Variants in PDE1C observed in about 807,000 individuals in gnomAD.
The protein encoded by PDE1C is phosphodiesterase 1C.
A neutral mutation model predicts 93.1 loss-of-function variants in PDE1C; 62 were observed. The observed-to-expected ratio is 0.67, with a 90% CI of 0.54 to 0.82. PDE1C has a LOEUF of 0.82. Ranked by LOEUF, PDE1C falls within the 40% of genes least tolerant of loss-of-function variation. The pLI is 0.00. For missense variants in PDE1C, 742 were observed against 884.6 expected, an observed-to-expected ratio of 0.84 and a Z score of 2.04; for synonymous variants, 325 against 310.1, an observed-to-expected ratio of 1.05 and a Z score of -0.50.
chr7:31,767,042 T>G (rs1241567926), intron 17 of PDE1C, among the ~76,000 whole-genome samples: 2 of 152,240 alleles, frequency 1.3e-5, no homozygotes, highest in Non-Finnish European at 2.9e-5. Flanking sequence ...CTTTCTTATC[T>G]AATCAAATAA....
chr7:31,639,077 A>C, the PDE1C span, among the ~76,000 whole-genome samples: 1 of 152,028 alleles, frequency 6.6e-6, no homozygotes, highest in African/African-American at 2.4e-5. Context: ...GCGCCCAGCC[A>C]GTAATTTGAT....
In PDE1C at chr7:31,841,227, C is replaced by CTCTCTCTATATATA. The variant is rs751320538; in HGVS notation, c.981-3257_981-3256insTATATATAGAGAGA. Among the ~76,000 whole-genome samples the CTCTCTCTATATATA allele has an allele frequency of 6.8e-3, 962 of 142,270 alleles. 6 individuals are homozygous for CTCTCTCTATATATA. The highest frequency in any genetic ancestry group is 0.016 in the African/African-American group (620 of 37,936). 93.3% of individuals were successfully genotyped at this position (142,270 alleles called of 152,430 possible). On this transcript the variant is annotated intron_variant, in intron 9 of 17. Transcript: ENST00000396191. Reference sequence around the variant, plus strand: ...TCTCTCTGTCTCTCTCTCTCTCTCTCTATATATATATATATATGTATATGT... The same window carrying CTCTCTCTATATATA: ...TCTCTCTGTCTCTCTCTCTCTCTCTCTCTCTCTATATATATATATATATATATATATGTATATGT...
chr7:32,178,099 T>A (rs1233836651), intron 2 of PDE1C, among the ~76,000 whole-genome samples: 5 of 152,144 alleles, frequency 3.3e-5, no homozygotes, highest in African/African-American at 1.2e-4. Context: ...TGAAGAGAAA[T>A]TAAGCCGGAG....
intron 1 of PDE1C, among the ~76,000 whole-genome samples, chr7:32,343,779 G>GGTTTTCT (rs1225111228): frequency 6.6e-6 from 1 of 151,924 alleles, no homozygotes; most frequent in African/African-American, 2.4e-5. Flanking sequence ...AAAGAAAACA[G>GGTTTTCT]ATGCATTTCT....
intron 3 of PDE1C, among the ~76,000 whole-genome samples, chr7:32,118,303 C>A (rs1799100425): frequency 6.6e-6 from 1 of 152,110 alleles, no homozygotes; most frequent in African/African-American, 2.4e-5. Flanking sequence ...TCACCGTGGA[C>A]TTAAGGCCAG....
intron 2 of PDE1C, among the ~76,000 whole-genome samples, chr7:32,205,519 T>C (rs1805372740): frequency 6.6e-6 from 1 of 151,996 alleles, no homozygotes; most frequent in Non-Finnish European, 1.5e-5. Flanking sequence ...CAGCACTCTG[T>C]AAAACGGACC....
At chr7:31,926,651 G>A (rs1803423065) in intron 2 of PDE1C, among the ~76,000 whole-genome samples, 1 of 152,190 alleles carries the variant, frequency 6.6e-6, no homozygotes, top group South Asian at 2.1e-4. Flanking sequence ...AGCAGAAGCA[G>A]GGTGGGGCAT....
chr7:32,215,649 C>A (rs1415852256), intron 1 of PDE1C, among the ~76,000 whole-genome samples: 1 of 152,148 alleles, frequency 6.6e-6, no homozygotes, highest in African/African-American at 2.4e-5. Flanking sequence ...AGCTACGACA[C>A]AAACAATACA....
At chr7:32,055,781 C>T (rs548521413) in intron 1 of PDE1C, among the ~76,000 whole-genome samples, 2 of 152,304 alleles carry the variant, frequency 1.3e-5, no homozygotes, top group South Asian at 2.1e-4. Context: ...AGCGCAGTGG[C>T]GCAATCTCGG....
chr7:31,695,574 C>G, the PDE1C span: 2 of 1,613,476 alleles, frequency 1.2e-6, no homozygotes, highest in African/African-American at 1.3e-5. Flanking sequence ...CAAAAAAAAC[C>G]AAGGAGGAAA....
chr7:31,956,875 C>T (rs1485720335), intron 2 of PDE1C, among the ~76,000 whole-genome samples: 4 of 152,030 alleles, frequency 2.6e-5, no homozygotes, highest in Non-Finnish European at 5.9e-5. Flanking sequence ...TATATTTGTA[C>T]AGGTCTCAGC....
At chr7:32,391,933 G>C (rs151083999) in intron 1 of PDE1C, among the ~76,000 whole-genome samples, 136 of 151,958 alleles carry the variant, frequency 8.9e-4, no homozygotes, top group African/African-American at 3.1e-3. Flanking sequence ...TAAGAAACTA[G>C]AAAGAGCAGG....
chr7:31,920,053 G>C (rs981079772), intron 2 of PDE1C, among the ~76,000 whole-genome samples: 3 of 152,058 alleles, frequency 2.0e-5, no homozygotes, highest in African/African-American at 7.2e-5. Flanking sequence ...TATTTCTTAG[G>C]TGGAATCTGC....
At chr7:32,228,692 C>G (rs1807471146) in intron 1 of PDE1C, among the ~76,000 whole-genome samples, 2 of 152,214 alleles carry the variant, frequency 1.3e-5, no homozygotes, top group Non-Finnish European at 2.9e-5. Flanking sequence ...GATGGGTGAT[C>G]CAGTGCTTCT....
the PDE1C span, among the ~76,000 whole-genome samples, chr7:31,648,955 C>G: frequency 6.6e-6 from 1 of 152,206 alleles, no homozygotes; most frequent in Admixed American, 6.5e-5. Flanking sequence ...ATAACAGATG[C>G]CCTTCATGGT....
intron 1 of PDE1C, among the ~76,000 whole-genome samples, chr7:32,057,178 C>G (rs1272861368): frequency 2.0e-5 from 3 of 152,216 alleles, no homozygotes; most frequent in African/African-American, 7.2e-5. Flanking sequence ...TCCCTAAAAA[C>G]TGAGCCCAGT....
chr7:32,176,291 G>GA (rs957409103), intron 2 of PDE1C, among the ~76,000 whole-genome samples: 161 of 149,352 alleles, frequency 1.1e-3, no homozygotes, highest in African/African-American at 3.3e-3. Context: ...CATTATAAGT[G>GA]AAAAAAAAAC....
chr7:32,298,874 C>T lies in PDE1C; in HGVS notation c.-139G>A, dbSNP rs1006799487. ...CGCTGTCACTCTCAGCCCCGCCGCG[C>T]GCTGGCAGCTGAGCGCCTGGAGACA... On this transcript the variant is annotated 5_prime_UTR_variant, in exon 1 of 19. Transcript: ENST00000396193. The T allele has an allele frequency of 4.9e-5, 67 of 1,374,654 alleles. No individual in the cohort carries two copies. In the African/African-American group the frequency reaches 9.2e-4, roughly 19 times the overall value. The allele number at this position is 1,374,654 out of a possible 1,614,324, so 85.2% of individuals were successfully genotyped here. A position where few individuals can be genotyped will look rare whatever the true frequency, so the allele number is the denominator to read the frequency against.
intron 1 of PDE1C, chr7:32,298,571 C>A: frequency 6.6e-7 from 1 of 1,506,412 alleles, no homozygotes; most frequent in Non-Finnish European, 9.0e-7. Context: ...TCCCCCTGCC[C>A]GCTTAGAAAG....
Sources: allele counts gnomAD v4.1 joint callset (sites outside exome capture counted in the v4.1 genomes callset), GRCh38; gene constraint gnomAD v4.1.1; transcripts MANE v1.5; gene names NCBI Gene and HGNC (gene_info 2026-07-23, HGNC 2026-07-21).